ICA1: variants seen among roughly 807,000 people sequenced by gnomAD.
ICA1 encodes 69 kDa islet cell autoantigen.
Under a neutral mutation model 71.0 loss-of-function variants are expected in ICA1, and 40 were observed. The ratio of observed to expected loss-of-function variants is 0.56; its 90% CI spans 0.44 to 0.73. The LOEUF is 0.73. Ranked by LOEUF, ICA1 falls within the 30% of genes least tolerant of loss-of-function variation. ICA1 has a pLI of 0.00. For synonymous variants in ICA1, 207 were observed against 209.5 expected, an observed-to-expected ratio of 0.99 and a Z score of 0.10; for missense variants, 578 against 576.5, an observed-to-expected ratio of 1.00 and a Z score of -0.03.
intron 6 of ICA1, among the ~76,000 whole-genome samples, chr7:8,159,525 A>C (rs536488736): frequency 6.6e-6 from 1 of 152,198 alleles, no homozygotes; most frequent in African/African-American, 2.4e-5. Flanking sequence ...CAGCCTGGGC[A>C]AAACGGTGAA....
At chr7:8,227,855 G>C in intron 4 of ICA1, 1 of 449,796 alleles carries the variant, frequency 2.2e-6, no homozygotes, top group South Asian at 1.6e-5. Flanking sequence ...TAAAATGCTG[G>C]GATTACAGAT....
chr7:8,162,422 T>C (rs550362999), intron 6 of ICA1, among the ~76,000 whole-genome samples: 1 of 152,322 alleles, frequency 6.6e-6, no homozygotes, highest in African/African-American at 2.4e-5. Flanking sequence ...GCGTTTTGAA[T>C]ACAGCAAAGT....
In ICA1 at chr7:8,186,678, T is replaced by C. The variant is rs148112367; in HGVS notation, c.580-28026A>G. On this transcript the variant is annotated intron_variant, in intron 6 of 13. Transcript: ENST00000402384. The stretch of plus-strand genomic sequence containing the variant: ...CTAAAGTTAAGATTTCAAGCTGAGG[T>C]CAACAAAAACAAGGAGGGCAGGAAA... Among the ~76,000 whole-genome samples the C allele has an allele frequency of 2.0e-3, 311 of 151,930 alleles. 1 individual carries two copies. The highest frequency in any genetic ancestry group is 3.8e-3 in the Non-Finnish European group (259 of 67,948).
intron 13 of ICA1, among the ~76,000 whole-genome samples, chr7:8,120,373 T>C (rs1408473972): frequency 6.6e-6 from 1 of 152,172 alleles, no homozygotes; most frequent in African/African-American, 2.4e-5. Context: ...TCATATCACT[T>C]TGGAAATTAT....
At chr7:8,177,239 T>C (rs1002942282) in intron 6 of ICA1, among the ~76,000 whole-genome samples, 9 of 152,210 alleles carry the variant, frequency 5.9e-5, no homozygotes, top group Non-Finnish European at 1.3e-4. Context: ...CACAATCGTG[T>C]AGTTTATAAT....
intron 6 of ICA1, among the ~76,000 whole-genome samples, chr7:8,197,436 C>G (rs1257772647): frequency 1.3e-5 from 2 of 150,872 alleles, no homozygotes; most frequent in Non-Finnish European, 3.0e-5. Flanking sequence ...GCCTGTAGTC[C>G]CAGCTACTCG....
intron 6 of ICA1, among the ~76,000 whole-genome samples, chr7:8,169,625 T>A (rs1046272093): frequency 6.6e-6 from 1 of 152,078 alleles, no homozygotes. Context: ...TCTTTTCATA[T>A]CTTATTTGCC....
chr7:8,165,923 T>C (rs1434527923), intron 6 of ICA1, among the ~76,000 whole-genome samples: 1 of 152,224 alleles, frequency 6.6e-6, no homozygotes, highest in East Asian at 1.9e-4. Flanking sequence ...GAATCAATAT[T>C]GTTGAAATGT....
rs184205032 is a variant in ICA1 at position 8,137,999 on chromosome 7, T to C, written c.1060+841A>G. ...ATCTGTAAAGCCAGGGCAGGCTGCA[T>C]GCCAACCACCAGGGCATGGGATGCT... is the stretch of plus-strand genomic sequence containing the variant. On this transcript the variant is annotated intron_variant, in intron 12 of 13. Coordinates refer to ENST00000402384, the MANE Select transcript of ICA1 (RefSeq NM_001136020.3). Among the ~76,000 whole-genome samples the C allele has an allele frequency of 3.6e-3, 554 of 152,316 alleles. 4 individuals carry two copies. Among genetic ancestry groups the C allele is most frequent in the African/African-American group, 0.013 (522 of 41,562 alleles).
At chr7:8,141,111 A>G (rs1021819525) in intron 10 of ICA1, among the ~76,000 whole-genome samples, 1 of 152,180 alleles carries the variant, frequency 6.6e-6, no homozygotes, top group Non-Finnish European at 1.5e-5. Context: ...TTCTACCACA[A>G]TCTATCAAAC....
intron 1 of ICA1, among the ~76,000 whole-genome samples, chr7:8,248,164 G>C (rs904962051): frequency 2.6e-5 from 4 of 152,120 alleles, no homozygotes; most frequent in Non-Finnish European, 5.9e-5. Context: ...TACAACTTTA[G>C]TGGTAGAATT....
rs1295329117 is a variant in ICA1, at chr7:8,226,563, T to C, written c.256+2038A>G. Among the ~76,000 whole-genome samples the C allele has an allele frequency of 6.6e-6, 1 of 152,226 alleles. No individual in the cohort carries two copies. The highest frequency in any genetic ancestry group is 2.4e-5 in the African/African-American group (1 of 41,460). On this transcript the variant is annotated intron_variant, in intron 4 of 13. Coordinates refer to ENST00000402384, the MANE Select transcript of ICA1 (RefSeq NM_001136020.3). This position sits in a 1 kb window ranked among gnomAD's most constrained non-coding sequence, Gnocchi z 4.4. The stretch of plus-strand genomic sequence containing the variant: ...ATTAGTTCACAGATTTTCCTCATTT[T>C]TGTGTCTTTGACAGCTACATAGCAA...
intron 12 of ICA1, among the ~76,000 whole-genome samples, chr7:8,137,377 A>C (rs781736646): frequency 6.6e-6 from 1 of 152,236 alleles, no homozygotes; most frequent in Non-Finnish European, 1.5e-5. Flanking sequence ...AAGTTAAAGC[A>C]CGTGAAGGAT....
chr7:8,261,590 C>G (rs1307799020), intron 1 of ICA1, among the ~76,000 whole-genome samples: 1 of 152,120 alleles, frequency 6.6e-6, no homozygotes, highest in Non-Finnish European at 1.5e-5. Context: ...CTCTCTGCCG[C>G]CCCTGCCAAA....
At chr7:8,117,339 G>A (rs189713146) in intron 13 of ICA1, among the ~76,000 whole-genome samples, 1 of 152,044 alleles carries the variant, frequency 6.6e-6, no homozygotes, top group African/African-American at 2.4e-5. Context: ...CTTGTGCCCT[G>A]CCTGCCCCAG....
chr7:8,184,333 T>C (rs942867726), intron 6 of ICA1, among the ~76,000 whole-genome samples: 3 of 152,226 alleles, frequency 2.0e-5, no homozygotes, highest in Non-Finnish European at 4.4e-5. Flanking sequence ...CCAAGAGGAT[T>C]ACAGGAAGGG....
At chr7:8,209,068 A>G (rs1792680419) in intron 6 of ICA1, among the ~76,000 whole-genome samples, 1 of 152,224 alleles carries the variant, frequency 6.6e-6, no homozygotes, top group Admixed American at 6.5e-5. Flanking sequence ...AACCTTAGGA[A>G]GAAAAGCCAG....
chr7:8,144,317 GA>G lies in ICA1; in HGVS notation c.805-346del, dbSNP rs1796187963. On this transcript the variant is annotated intron_variant, in intron 8 of 13. Transcript: ENST00000402384. This position sits in a 1 kb window ranked among gnomAD's most constrained non-coding sequence, Gnocchi z 4.5. ...TTTTTCAACTTCAACATGTAGTTAA[GA>G]TAAACATTCTGTTCTGTTCGCAGCC... is the stretch of plus-strand genomic sequence containing the variant. Among the ~76,000 whole-genome samples, 1 of 152,290 alleles carries G rather than the reference GA, an allele frequency of 6.6e-6. No individual in the cohort carries two copies. Among genetic ancestry groups the G allele is most frequent in the Admixed American group, 6.5e-5 (1 of 15,290 alleles).
At chr7:8,179,895 T>A (rs1326413255) in intron 6 of ICA1, among the ~76,000 whole-genome samples, 2 of 152,198 alleles carry the variant, frequency 1.3e-5, no homozygotes, top group South Asian at 2.1e-4. Context: ...CTTTTCTTTC[T>A]AAAGGGCTTC....
Sources: gnomAD v4.1 joint callset for allele counts (sites outside exome capture counted in the v4.1 genomes callset) on GRCh38, gnomAD v4.1.1 for gene constraint, Gnocchi (gnomAD v3.1) non-coding constraint, MANE v1.5 for transcripts, NCBI Gene and HGNC (gene_info 2026-07-23, HGNC 2026-07-21) for gene names.